SLC9A7: variants seen among roughly 807,000 people sequenced by gnomAD.
SLC9A7 encodes solute carrier family 9 member A7, also known as sodium/hydrogen exchanger 7.
A neutral mutation model predicts 52.6 loss-of-function variants in SLC9A7; 19 were observed. The ratio of observed to expected loss-of-function variants is 0.36; its 90% CI spans 0.25 to 0.53. SLC9A7 has a LOEUF of 0.53. Ranked by LOEUF, SLC9A7 falls within the 20% of genes least tolerant of loss-of-function variation. The pLI, the probability that SLC9A7 is intolerant of heterozygous loss-of-function variation, is 0.91. For synonymous variants in SLC9A7, 226 were observed against 252.1 expected (o/e 0.90, Z 0.98); for missense variants, 455 against 597.9 (o/e 0.76, Z 2.49).
In SLC9A7 at chrX:46,731,230, G is replaced by A. The variant is rs182564855; in HGVS notation, c.325+27475C>T. Among the ~76,000 whole-genome samples, 299 of 107,949 alleles carry A rather than the reference G, an allele frequency of 2.8e-3. 1 individual carries two copies. The highest frequency in any genetic ancestry group is 9.6e-3 in the African/African-American group (286 of 29,916). 93.7% of individuals were successfully genotyped at this position (107,949 alleles called of 115,157 possible). ...GGTCAATATGGACATTTTAGTCACT[G>A]GTGTTGGGACAATTTGGTAGCCATT... On this transcript the variant is annotated intron_variant, in intron 1 of 16. Coordinates refer to ENST00000616978, the MANE Select transcript of SLC9A7 (RefSeq NM_001257291.2).
At chrX:46,658,549 C>T (rs1323895334) in intron 7 of SLC9A7, among the ~76,000 whole-genome samples, 10 of 110,461 alleles carry the variant, frequency 9.1e-5, no homozygotes, top group East Asian at 2.8e-4. Flanking sequence ...ATATCACCAC[C>T]GATCCCACAG....
At position 46,599,654 on chromosome X, in the gene SLC9A7, C is replaced by T. The variant is rs909682786; in HGVS notation, c.*7298G>A. On this transcript the variant is annotated 3_prime_UTR_variant, in exon 17 of 17. Coordinates refer to ENST00000616978, the MANE Select transcript of SLC9A7 (RefSeq NM_001257291.2). ...GGAAAGACGGCACTTTGGGGGCCTA[C>T]TGCAGTTTTCCTTATTGCACATAAA... 4.5e-5 allele frequency: 5 copies of T among 111,849 alleles called. No individual in the cohort carries two copies. Among genetic ancestry groups the T allele is most frequent in the African/African-American group, 1.6e-4 (5 of 30,789 alleles). The allele number at this position is 111,849 out of a possible 1,213,427, so 9.2% of individuals were successfully genotyped here. A position where few individuals can be genotyped will look rare whatever the true frequency, so the allele number is the denominator to read the frequency against.
At chrX:46,699,640 T>C (rs752052170) in intron 1 of SLC9A7, among the ~76,000 whole-genome samples, 1 of 111,448 alleles carries the variant, frequency 9.0e-6, no homozygotes, top group African/African-American at 3.3e-5. Context: ...AGCCATACTC[T>C]ACTAGCTCTG....
chrX:46,664,444 T>G (rs1943884121), intron 5 of SLC9A7, among the ~76,000 whole-genome samples: 1 of 111,943 alleles, frequency 8.9e-6, no homozygotes, highest in African/African-American at 3.2e-5. Context: ...GGTTTTTCTG[T>G]TCTTTGCAGC....
intron 14 of SLC9A7, among the ~76,000 whole-genome samples, chrX:46,621,284 G>A (rs1036278138): frequency 3.6e-5 from 4 of 111,969 alleles, no homozygotes; most frequent in African/African-American, 1.3e-4. Flanking sequence ...TATGCCTGTG[G>A]ATAGCTCAAA....
At chrX:46,652,472 G>T (rs143445822) in intron 8 of SLC9A7, among the ~76,000 whole-genome samples, 1,626 of 111,656 alleles carry the variant, frequency 0.015, 11 homozygotes, top group Middle Eastern at 0.05. Context: ...ACAGTCTAGG[G>T]CTTTAGACAA....
At chrX:46,616,521 C>G in intron 15 of SLC9A7, among the ~76,000 whole-genome samples, 1 of 111,405 alleles carries the variant, frequency 9.0e-6, no homozygotes, top group African/African-American at 3.3e-5. Context: ...AGTATCTTGC[C>G]AAATAAAAGA....
chrX:46,645,385 G>T (rs887027426), intron 11 of SLC9A7, among the ~76,000 whole-genome samples: 3 of 111,707 alleles, frequency 2.7e-5, no homozygotes, highest in African/African-American at 9.8e-5. Flanking sequence ...GAGCTTCTCT[G>T]AGGTCTCCAC....
rs955691075 is a variant in SLC9A7 at position 46,668,136 on chromosome X, G to A, written c.793+1471C>T. Among the ~76,000 whole-genome samples the A allele has an allele frequency of 2.7e-5, 3 of 112,292 alleles. No homozygotes were observed. The Admixed American group carries it at 2.8e-4, about 11-fold the overall frequency. On this transcript the variant is annotated intron_variant, in intron 5 of 16. Transcript: ENST00000616978. Reference sequence around the variant, plus strand: ...CAAATGCTATGTTACATAAAAGAAGGCAAAAGGGCAACACTGGGAAAGAAG... The same window carrying A: ...CAAATGCTATGTTACATAAAAGAAGACAAAAGGGCAACACTGGGAAAGAAG...
chrX:46,726,479 T>C (rs1437914487), intron 1 of SLC9A7, among the ~76,000 whole-genome samples: 2 of 111,102 alleles, frequency 1.8e-5, no homozygotes, highest in Non-Finnish European at 3.8e-5. Context: ...AGTCTCAGTG[T>C]CTGTCCTGAA....
chrX:46,644,574 T>C (rs757754669), intron 11 of SLC9A7, among the ~76,000 whole-genome samples: 1 of 107,975 alleles, frequency 9.3e-6, no homozygotes, highest in Non-Finnish European at 1.9e-5. Flanking sequence ...GAGGCGGAGG[T>C]TGCAGTGAGC....
At chrX:46,608,058 T>G (rs1942782243) in intron 16 of SLC9A7, among the ~76,000 whole-genome samples, 1 of 112,284 alleles carries the variant, frequency 8.9e-6, no homozygotes, top group Non-Finnish European at 1.9e-5. Flanking sequence ...TGCATCCTCT[T>G]ATGAGACAGA....
chrX:46,626,403 T>C (rs1943129416), intron 14 of SLC9A7, among the ~76,000 whole-genome samples: 1 of 111,897 alleles, frequency 8.9e-6, no homozygotes, highest in South Asian at 3.7e-4. Context: ...GCCTTCCAAG[T>C]AGCTGGGATT....
At chrX:46,673,354 A>AT (rs1569515264) in intron 3 of SLC9A7, among the ~76,000 whole-genome samples, 2 of 82,580 alleles carry the variant, frequency 2.4e-5, no homozygotes, top group Admixed American at 1.5e-4. Context: ...TTAAAAATAT[A>AT]AACACACACA....
At chrX:46,708,708 T>G (rs1944642975) in intron 1 of SLC9A7, among the ~76,000 whole-genome samples, 1 of 111,679 alleles carries the variant, frequency 9.0e-6, no homozygotes, top group Admixed American at 9.4e-5. Context: ...AACTACAGGT[T>G]TTGTTTGCAG....
intron 10 of SLC9A7, among the ~76,000 whole-genome samples, chrX:46,650,089 G>T (rs1444341745): frequency 8.9e-6 from 1 of 112,489 alleles, no homozygotes; most frequent in Non-Finnish European, 1.9e-5. Flanking sequence ...TTCCAGCATT[G>T]CATTAGGCCA....
At chrX:46,636,798 A>G (rs1024299873) in intron 12 of SLC9A7, among the ~76,000 whole-genome samples, 13 of 111,931 alleles carry the variant, frequency 1.2e-4, no homozygotes, top group Non-Finnish European at 2.1e-4. Flanking sequence ...GCAATAACGA[A>G]AAAAAGATTG....
intron 1 of SLC9A7, among the ~76,000 whole-genome samples, chrX:46,686,344 C>T (rs1204797425): frequency 1.8e-5 from 2 of 111,721 alleles, no homozygotes; most frequent in Non-Finnish European, 3.8e-5. Flanking sequence ...ACCACTAACT[C>T]AAGGTAGAGT....
intron 1 of SLC9A7, among the ~76,000 whole-genome samples, chrX:46,732,989 C>T (rs1280503599): frequency 2.7e-5 from 3 of 111,971 alleles, no homozygotes; most frequent in Non-Finnish European, 5.6e-5. Context: ...TGGTATACTA[C>T]CTTTGGTCAG....
Sources: allele counts gnomAD v4.1 joint callset (sites outside exome capture counted in the v4.1 genomes callset), GRCh38; gene constraint gnomAD v4.1.1; transcripts MANE v1.5; gene names NCBI Gene and HGNC (gene_info 2026-07-23, HGNC 2026-07-21).